CSMD1: variants seen among roughly 807,000 people sequenced by gnomAD.
CSMD1 encodes CUB and sushi domain-containing protein 1.
A neutral mutation model predicts 417.5 loss-of-function variants in CSMD1; 213 were observed. The observed-to-expected ratio is 0.51, with a 90% CI of 0.46 to 0.57. The LOEUF (loss-of-function observed/expected upper bound fraction) is 0.57. CSMD1 is among the 20% of genes least tolerant of loss of function. The pLI is 0.00. For synonymous variants in CSMD1, 2,862 were observed against 1,736.8 expected (o/e 1.65, Z -16.11); for missense variants, 6,923 against 4,529.7 (o/e 1.53, Z -15.17).
chr8:4,817,997 G>A (rs1281659862), intron 1 of CSMD1, among the ~76,000 whole-genome samples: 2 of 152,114 alleles, frequency 1.3e-5, no homozygotes, highest in South Asian at 2.1e-4. Context: ...GAGGTATTAT[G>A]CATCATTATA....
At chr8:4,686,193 A>G (rs969411089) in intron 1 of CSMD1, among the ~76,000 whole-genome samples, 3 of 152,154 alleles carry the variant, frequency 2.0e-5, no homozygotes, top group African/African-American at 7.2e-5. Context: ...CCCTTCTTTC[A>G]CCTTTGGAGT....
At chr8:4,917,837 G>A (rs12155516) in intron 1 of CSMD1, among the ~76,000 whole-genome samples, 84,302 of 151,788 alleles carry the variant, frequency 0.56, 23,818 homozygotes, top group East Asian at 0.83. Context: ...TCAGATGGAG[G>A]AGGAGATTTC....
intron 3 of CSMD1, among the ~76,000 whole-genome samples, chr8:4,220,951 T>C (rs958042330): frequency 7.9e-5 from 12 of 152,248 alleles, no homozygotes; most frequent in African/African-American, 2.9e-4. Context: ...CACCACACGG[T>C]TGAGTGCGCA....
intron 5 of CSMD1, among the ~76,000 whole-genome samples, chr8:3,837,706 T>C (rs1403325296): frequency 6.6e-6 from 1 of 152,010 alleles, no homozygotes; most frequent in Non-Finnish European, 1.5e-5. Flanking sequence ...GTAATAGAGG[T>C]TGAGAACACA....
chr8:4,733,054 C>T (rs1234960874), intron 1 of CSMD1, among the ~76,000 whole-genome samples: 1 of 151,788 alleles, frequency 6.6e-6, no homozygotes. Flanking sequence ...TGAAAAATAA[C>T]TAGAAAAAAG....
intron 4 of CSMD1, among the ~76,000 whole-genome samples, chr8:4,026,308 A>G (rs867231683): frequency 1.8e-4 from 27 of 152,232 alleles, no homozygotes; most frequent in Admixed American, 5.2e-4. Context: ...CACTGAGAAA[A>G]GCAAAATTTA....
chr8:3,727,865 A>G (rs1021854257), intron 6 of CSMD1, among the ~76,000 whole-genome samples: 3 of 152,312 alleles, frequency 2.0e-5, no homozygotes, highest in East Asian at 3.9e-4. Flanking sequence ...CTGTCACAAA[A>G]GGACAAATAC....
chr8:4,982,246 G>C (rs974415227), intron 1 of CSMD1, among the ~76,000 whole-genome samples: 1 of 152,204 alleles, frequency 6.6e-6, no homozygotes, highest in African/African-American at 2.4e-5. Context: ...TGTTGCGTTT[G>C]CAATAATAAT....
At chr8:3,633,355 T>C (rs1388016815) in intron 7 of CSMD1, among the ~76,000 whole-genome samples, 10 of 152,204 alleles carry the variant, frequency 6.6e-5, no homozygotes, top group Admixed American at 6.5e-4. Flanking sequence ...AAGGTGTCTT[T>C]GGTCCTGCCA....
At chr8:4,471,866 C>CA (rs146658498) in intron 2 of CSMD1, among the ~76,000 whole-genome samples, 270 of 152,070 alleles carry the variant, frequency 1.8e-3, no homozygotes, top group African/African-American at 6.2e-3. Flanking sequence ...GATTAGGCTA[C>CA]AAAAAATGGT....
chr8:4,303,926 A>C (rs780035309), intron 3 of CSMD1, among the ~76,000 whole-genome samples: 25 of 152,068 alleles, frequency 1.6e-4, no homozygotes, highest in Non-Finnish European at 3.4e-4. Flanking sequence ...GTACTTTTCT[A>C]AAGAAAGGAT....
At chr8:4,897,809 CAG>C (rs1341396686) in intron 1 of CSMD1, among the ~76,000 whole-genome samples, 1 of 152,034 alleles carries the variant, frequency 6.6e-6, no homozygotes, top group Non-Finnish European at 1.5e-5. Flanking sequence ...ACAGAAGAGA[CAG>C]AGACTTAAAT....
intron 3 of CSMD1, among the ~76,000 whole-genome samples, chr8:4,258,775 G>A (rs1473578407): frequency 6.6e-6 from 1 of 152,084 alleles, no homozygotes; most frequent in Admixed American, 6.5e-5. Flanking sequence ...TTTAGAATGT[G>A]TAACCAGCTG....
chr8:3,651,732 G>T (rs752914186), intron 7 of CSMD1, among the ~76,000 whole-genome samples: 5 of 150,802 alleles, frequency 3.3e-5, no homozygotes. Flanking sequence ...CAGCAACAGC[G>T]TGCTTACTAT....
intron 5 of CSMD1, among the ~76,000 whole-genome samples, chr8:3,806,865 A>G (rs377084348): frequency 4.3e-4 from 66 of 152,324 alleles, no homozygotes; most frequent in African/African-American, 1.5e-3. Flanking sequence ...GTAATCTAGT[A>G]ACCAATTAAC....
intron 25 of CSMD1, among the ~76,000 whole-genome samples, chr8:3,286,956 G>C (rs1197936202): frequency 2.0e-5 from 3 of 152,096 alleles, no homozygotes; most frequent in Non-Finnish European, 4.4e-5. Flanking sequence ...TATGGTTTTA[G>C]TTCTAACATT....
intron 1 of CSMD1, among the ~76,000 whole-genome samples, chr8:4,730,114 T>G (rs1809745523): frequency 6.6e-6 from 1 of 152,092 alleles, no homozygotes. Flanking sequence ...GTCTCCGCAC[T>G]TAGAAGCATT....
chr8:3,984,351 G>A (rs950525785), intron 5 of CSMD1, among the ~76,000 whole-genome samples: 1 of 152,118 alleles, frequency 6.6e-6, no homozygotes, highest in African/African-American at 2.4e-5. Context: ...AAATGCTGAC[G>A]ACAGATCATG....
chr8:4,035,058 C>A (rs574567398), intron 3 of CSMD1, among the ~76,000 whole-genome samples: 1 of 152,066 alleles, frequency 6.6e-6, no homozygotes, highest in African/African-American at 2.4e-5. Flanking sequence ...AAATGATTAT[C>A]GTGCAGAAAG....
Sources: gnomAD v4.1 joint callset for allele counts (sites outside exome capture counted in the v4.1 genomes callset) on GRCh38, gnomAD v4.1.1 for gene constraint, MANE v1.5 for transcripts, NCBI Gene and HGNC (gene_info 2026-07-23, HGNC 2026-07-21) for gene names.